The following AGAP1 variants were observed in gnomAD, a reference collection of about 807,000 sequenced individuals.
AGAP1 encodes ArfGAP with GTPase domain, ankyrin repeat and PH domain 1.
In AGAP1, 29 loss-of-function variants were observed where a neutral mutation model predicts 105.3. The ratio of observed to expected loss-of-function variants is 0.28; its 90% CI spans 0.21 to 0.38. AGAP1 has a LOEUF of 0.38. AGAP1 is among the 10% of genes least tolerant of loss of function. AGAP1 has a pLI of 1.00. For missense variants in AGAP1, 998 were observed against 1,165.1 expected, an observed-to-expected ratio of 0.86 and a Z score of 2.09; for synonymous variants, 509 against 485.9, an observed-to-expected ratio of 1.05 and a Z score of -0.63.
chr2:235,879,280 G>A lies in AGAP1; in HGVS notation c.1051-4065G>A, dbSNP rs1434174697. ...GTGCTCCAGCCACTGAAAGAAAAGT[G>A]CACCTGCCCCAGCCCAGCTAGACCA... On this transcript the variant is annotated intron_variant, in intron 9 of 17. Coordinates refer to ENST00000304032, the MANE Select transcript of AGAP1 (RefSeq NM_001037131.3). The surrounding 1 kb of genome is among the most constrained non-coding windows in gnomAD (Gnocchi z 5.0). 1.3e-5 allele frequency among the ~76,000 whole-genome samples: 2 copies of A among 152,166 alleles called. No individual in the cohort carries two copies. Among genetic ancestry groups the A allele is most frequent in the Non-Finnish European group, 2.9e-5 (2 of 68,034 alleles).
chr2:235,991,934 T>G (rs7566042), intron 13 of AGAP1, among the ~76,000 whole-genome samples: 69,186 of 152,124 alleles, frequency 0.45, 17,639 homozygotes, highest in South Asian at 0.68. Flanking sequence ...GATTCAGACT[T>G]GCAAAAAAAC....
rs996014061 is a variant in AGAP1, at chr2:235,600,824, G to A, written c.163+105975G>A. Among the ~76,000 whole-genome samples the A allele has an allele frequency of 3.3e-5, 5 of 152,140 alleles. No individual in the cohort carries two copies. The highest frequency in any genetic ancestry group is 3.8e-4 in the East Asian group (2 of 5,196). ...TCAAATGTTAATCTCCTTTGGCAGC[G>A]CCCTCACAGACACACCCAGGATCAA... On this transcript the variant is annotated intron_variant, in intron 1 of 17. Coordinates refer to ENST00000304032, the MANE Select transcript of AGAP1 (RefSeq NM_001037131.3). This position sits in a 1 kb window ranked among gnomAD's most constrained non-coding sequence, Gnocchi z 4.8.
At chr2:235,538,920 T>G in intron 1 of AGAP1, among the ~76,000 whole-genome samples, 1 of 43,010 alleles carries the variant, frequency 2.3e-5, no homozygotes, top group Non-Finnish European at 3.6e-5. Context: ...TTATAGCATT[T>G]TAAAGCCATT....
intron 6 of AGAP1, among the ~76,000 whole-genome samples, chr2:235,768,142 TAAGA>T (rs1313869960): frequency 6.6e-6 from 1 of 152,206 alleles, no homozygotes; most frequent in Non-Finnish European, 1.5e-5. Context: ...TTTCTTACCC[TAAGA>T]TAGAGGGCTT....
At chr2:235,530,306 A>T (rs1430828719) in intron 1 of AGAP1, among the ~76,000 whole-genome samples, 2 of 152,132 alleles carry the variant, frequency 1.3e-5, no homozygotes, top group Non-Finnish European at 2.9e-5. Context: ...ATATCCCGTT[A>T]GACTGTGCTT....
Position 235,700,456 on chromosome 2 carries a change from A to G in AGAP1, c.164-8723A>G, listed in dbSNP as rs762329167. ...AAGGGCGTTCTTGGGGAACACCGTG[A>G]TTCTGGAGGGGTATTATGAGGCACT... On this transcript the variant is annotated intron_variant, in intron 1 of 17. Transcript: ENST00000304032. The surrounding 1 kb of genome is among the most constrained non-coding windows in gnomAD (Gnocchi z 6.1). Among the ~76,000 whole-genome samples the G allele has an allele frequency of 6.6e-6, 1 of 152,154 alleles. No individual in the cohort carries two copies. Among genetic ancestry groups the G allele is most frequent in the Non-Finnish European group, 1.5e-5 (1 of 68,028 alleles).
intron 6 of AGAP1, among the ~76,000 whole-genome samples, chr2:235,774,856 G>A (rs1955741872): frequency 6.6e-6 from 1 of 152,266 alleles, no homozygotes; most frequent in African/African-American, 2.4e-5. Flanking sequence ...AGTGATTGGC[G>A]CCTGCATTCA....
chr2:235,593,417 G>A (rs1461898259), intron 1 of AGAP1, among the ~76,000 whole-genome samples: 1 of 148,470 alleles, frequency 6.7e-6, no homozygotes, highest in Non-Finnish European at 1.5e-5. Flanking sequence ...TTTTTTGGGT[G>A]GGGAGGACAG....
chr2:235,676,208 A>G (rs557333411), intron 1 of AGAP1, among the ~76,000 whole-genome samples: 32 of 152,334 alleles, frequency 2.1e-4, no homozygotes, highest in African/African-American at 7.2e-4. Context: ...TACTTGAGGG[A>G]TGATATGACT....
intron 11 of AGAP1, among the ~76,000 whole-genome samples, chr2:235,925,846 A>ATCCTTACC (rs2052422209): frequency 6.6e-6 from 1 of 152,182 alleles, no homozygotes; most frequent in South Asian, 2.1e-4. Flanking sequence ...TGATGTCAGG[A>ATCCTTACC]TCCTTACCCC....
rs567066476 is a variant in AGAP1, at chr2:235,642,718, G to A, written c.164-66461G>A. The stretch of plus-strand genomic sequence containing the variant: ...GCTTCAGGAAGTTACAGCAGCCATA[G>A]AGGACTCTGCTTATGTGAGATGTGC... On this transcript the variant is annotated intron_variant, in intron 1 of 17. Coordinates refer to ENST00000304032, the MANE Select transcript of AGAP1 (RefSeq NM_001037131.3). This position sits in a 1 kb window ranked among gnomAD's most constrained non-coding sequence, Gnocchi z 4.1. Among the ~76,000 whole-genome samples, 13 of 152,378 alleles carry A rather than the reference G, an allele frequency of 8.5e-5. No individual in the cohort carries two copies. In the South Asian group the frequency reaches 2.7e-3, roughly 32 times the overall value.
chr2:236,115,154 G>A (rs958763345), intron 16 of AGAP1, among the ~76,000 whole-genome samples: 1 of 152,150 alleles, frequency 6.6e-6, no homozygotes, highest in African/African-American at 2.4e-5. Context: ...TCCCCCACAC[G>A]TGCCGCTTCC....
In AGAP1 at chr2:235,555,814, T is replaced by C. The variant is rs112153675; in HGVS notation, c.163+60965T>C. Among the ~76,000 whole-genome samples, 280 of 152,276 alleles carry C rather than the reference T, an allele frequency of 1.8e-3. 3 individuals are homozygous for C. Among genetic ancestry groups the C allele is most frequent in the African/African-American group, 6.3e-3 (260 of 41,568 alleles). On this transcript the variant is annotated intron_variant, in intron 1 of 17. Transcript: ENST00000304032. This position sits in a 1 kb window ranked among gnomAD's most constrained non-coding sequence, Gnocchi z 5.1. The stretch of plus-strand genomic sequence containing the variant: ...TTTCTGAGTTACAGAAGTTAAATAG[T>C]GACTTGGTTCGGGGTCATGCCATGT...
At chr2:235,613,660 G>C (rs1169373458) in intron 1 of AGAP1, among the ~76,000 whole-genome samples, 2 of 152,110 alleles carry the variant, frequency 1.3e-5, no homozygotes, top group African/African-American at 4.8e-5. Flanking sequence ...GAATAAAAGA[G>C]GAAAATAAAT....
At chr2:235,916,392 T>TAAAAC (rs1424733326) in intron 11 of AGAP1, among the ~76,000 whole-genome samples, 1 of 152,196 alleles carries the variant, frequency 6.6e-6, no homozygotes, top group South Asian at 2.1e-4. Context: ...GAGAAGGAGG[T>TAAAAC]AAAACGTCAA....
chr2:235,783,192 T>C (rs1208180485), intron 6 of AGAP1: 2 of 339,340 alleles, frequency 5.9e-6, no homozygotes, highest in African/African-American at 4.4e-5. Flanking sequence ...TCTCAGGCTT[T>C]TCTTAGTGAA....
At chr2:235,972,961 G>A (rs1164623623) in intron 13 of AGAP1, among the ~76,000 whole-genome samples, 2 of 152,236 alleles carry the variant, frequency 1.3e-5, no homozygotes, top group African/African-American at 2.4e-5. Flanking sequence ...AGCTGTGTGC[G>A]ACAAGGACCC....
chr2:235,972,793 G>T (rs2054706584), intron 13 of AGAP1, among the ~76,000 whole-genome samples: 1 of 152,188 alleles, frequency 6.6e-6, no homozygotes, highest in Admixed American at 6.5e-5. Context: ...AGCCCCTGAA[G>T]CCCGTGCCAT....
At chr2:235,597,951 C>T (rs1228783443) in intron 1 of AGAP1, among the ~76,000 whole-genome samples, 1 of 122,144 alleles carries the variant, frequency 8.2e-6, no homozygotes, top group East Asian at 2.7e-4. Context: ...CACGCGCTCC[C>T]GTTTCCTTTG....
Sources: gnomAD v4.1 joint callset for allele counts (sites outside exome capture counted in the v4.1 genomes callset) on GRCh38, gnomAD v4.1.1 for gene constraint, Gnocchi (gnomAD v3.1) non-coding constraint, MANE v1.5 for transcripts, NCBI Gene and HGNC (gene_info 2026-07-23, HGNC 2026-07-21) for gene names.